The following TMEM30B variants were observed in gnomAD, a reference collection of about 807,000 sequenced individuals.
TMEM30B encodes the protein cell division cycle 50 P4-ATPase accessory subunit B.
In TMEM30B, 25 loss-of-function variants were observed where a neutral mutation model predicts 27.9. The ratio of observed to expected loss-of-function variants is 0.89; its 90% CI spans 0.65 to 1.25. The LOEUF (loss-of-function observed/expected upper bound fraction) is 1.25, where lower values mean the gene tolerates loss of function less well. TMEM30B is among the 50% of genes most tolerant of loss of function. The pLI is 0.00. For synonymous variants in TMEM30B, 248 were observed against 238.5 expected, an observed-to-expected ratio of 1.04 and a Z score of -0.37; for missense variants, 536 against 506.5, an observed-to-expected ratio of 1.06 and a Z score of -0.56.
chr14:61,280,399 A>G lies in TMEM30B; in HGVS notation c.749T>C (p.Phe250Ser), dbSNP rs2045247234. The change falls in exon 1 of 1, where the codon TTC (phenylalanine) becomes TCC (serine). Residue 250 changes from phenylalanine to serine, a missense_variant. Physicochemically the swap from Phe to Ser is radical, Grantham distance 155. Coordinates refer to ENST00000555868, the MANE Select transcript of TMEM30B (RefSeq NM_001017970.3). The surrounding 1 kb of genome is among the most constrained non-coding windows in gnomAD (Gnocchi z 5.0). ...CGCCGCCGTGCGCATCCACACCACGAAGTCCTGATTGATGAAGCCGGTGTT... is the reference window on the plus strand; with the variant it reads ...CGCCGCCGTGCGCATCCACACCACGGAGTCCTGATTGATGAAGCCGGTGTT... The part of the protein sequence containing the change: ...PNNTGFINQD[F>S]VVWMRTAALP... The G allele has an allele frequency of 6.2e-7, 1 of 1,613,962 alleles. No individual in the cohort carries two copies. The highest frequency in any genetic ancestry group is 1.3e-5 in the African/African-American group (1 of 75,052).
At position 61,281,091 on chromosome 14, in the gene TMEM30B, A is replaced by T; in HGVS notation, c.57T>A (p.Thr19=). Residue 19 remains threonine (T), a synonymous_variant, in exon 1 of 1, where the codon ACT becomes ACA. Transcript: ENST00000555868. ...GAHQPDNTAF[T]QQRLPAWQPL... is the part of the protein sequence containing the mutation. ...GCTGCCAGGCGGGGAGGCGCTGCTG[A>T]GTGAAGGCGGTGTTGTCGGGCTGGT... 1 of 1,503,744 alleles carries T rather than the reference A, an allele frequency of 6.7e-7. No individual in the cohort carries two copies. Among genetic ancestry groups the T allele is most frequent in the South Asian group, 1.3e-5 (1 of 79,664 alleles). The allele number at this position is 1,503,744 out of a possible 1,614,324, so 93.2% of individuals were successfully genotyped here.
Position 61,279,712 on chromosome 14 carries a change from A to C in TMEM30B, c.*380T>G, listed in dbSNP as rs1344447484. 1 of 197,622 alleles carries C rather than the reference A, an allele frequency of 5.1e-6. No individual in the cohort carries two copies. Among genetic ancestry groups the C allele is most frequent in the African/African-American group, 2.4e-5 (1 of 42,424 alleles). The allele number at this position is 197,622 out of a possible 1,614,324, so 12.2% of individuals were successfully genotyped here. On this transcript the variant is annotated 3_prime_UTR_variant, in exon 1 of 1. Coordinates refer to ENST00000555868, the MANE Select transcript of TMEM30B (RefSeq NM_001017970.3). ...GCCCTGGACTCAAGATTCAGGAGTCACTTGCAGCTGCCTGATCTTTGTTAC... is the reference window on the plus strand; with the variant it reads ...GCCCTGGACTCAAGATTCAGGAGTCCCTTGCAGCTGCCTGATCTTTGTTAC...
chr14:61,280,664 A>C lies in TMEM30B; in HGVS notation c.484T>G (p.Cys162Gly). The change falls in exon 1 of 1, where the codon TGC (cysteine) becomes GGC (glycine). Residue 162 changes from cysteine to glycine, a missense_variant. Cys to Gly is a radical substitution (Grantham distance 159). Transcript: ENST00000555868. The surrounding 1 kb of genome is among the most constrained non-coding windows in gnomAD (Gnocchi z 5.0). The stretch of plus-strand genomic sequence containing the variant: ...AAGAGGCTGTTGGCGATGGCGCCGC[A>C]GGGCGCGATGGGCAGGCCGGCCGCG... ...RSAAGLPIAP[C>G]GAIANSLFND... is the part of the protein sequence containing the mutation. 6.4e-7 allele frequency: 1 copy of C among 1,572,270 alleles called. No homozygotes were observed. The highest frequency in any genetic ancestry group is 1.2e-5 in the South Asian group (1 of 86,790).
Position 61,280,856 on chromosome 14 carries a change from A to G in TMEM30B, c.292T>C (p.Phe98Leu). ...CCCTGGAAGAGCTCGGGCAGCGAGA[A>G]GTACCAGGCGCACGAGCAGGGGGGC... Reference protein sequence around the residue: ...LPPPCSCAWYFSLPELFQGPV... With the variant: ...LPPPCSCAWYLSLPELFQGPV... The change falls in exon 1 of 1, where the codon TTC becomes CTC. Residue 98 changes from phenylalanine (F) to leucine (L), a missense_variant. By Grantham distance (22) the Phe-to-Leu change is conservative (BLOSUM62 0). Coordinates refer to ENST00000555868, the MANE Select transcript of TMEM30B (RefSeq NM_001017970.3). The surrounding 1 kb of genome is among the most constrained non-coding windows in gnomAD (Gnocchi z 5.0). 1.9e-6 allele frequency: 3 copies of G among 1,567,292 alleles called. No homozygotes were observed. The highest frequency in any genetic ancestry group is 2.6e-6 in the Non-Finnish European group (3 of 1,164,938).
Position 61,280,785 on chromosome 14 carries a change from G to T in TMEM30B, c.363C>A (p.Asn121Lys). 6.4e-7 allele frequency: 1 copy of T among 1,556,538 alleles called. No individual in the cohort carries two copies. Among genetic ancestry groups the T allele is most frequent in the Non-Finnish European group, 8.6e-7 (1 of 1,160,204 alleles). ...YYELTNFYQN[N>K]RRYGVSRDDA... ...CGTCGCGGGACACGCCGTAGCGCCG[G>T]TTGTTCTGGTAGAAGTTGGTCAGCT... The change falls in exon 1 of 1, where the codon AAC (asparagine) becomes AAA (lysine). Residue 121 changes from asparagine to lysine, a missense_variant. Asn to Lys is a moderately conservative substitution (Grantham distance 94). Coordinates refer to ENST00000555868, the MANE Select transcript of TMEM30B (RefSeq NM_001017970.3). This position sits in a 1 kb window ranked among gnomAD's most constrained non-coding sequence, Gnocchi z 5.0.
Position 61,280,295 on chromosome 14 carries a change from C to T in TMEM30B, c.853G>A (p.Val285Ile). 1 of 1,613,848 alleles carries T rather than the reference C, an allele frequency of 6.2e-7. No individual in the cohort carries two copies. Among genetic ancestry groups the T allele is most frequent in the Non-Finnish European group, 8.5e-7 (1 of 1,179,960 alleles). Residue 285 changes from valine to isoleucine, a missense_variant, in exon 1 of 1, where the codon GTC (valine) becomes ATC (isoleucine). By Grantham distance (29) the Val-to-Ile change is conservative (BLOSUM62 3). Transcript: ENST00000555868. This position sits in a 1 kb window ranked among gnomAD's most constrained non-coding sequence, Gnocchi z 5.0. Reference sequence around the variant, plus strand: ...ACCGGGTAGTTGTAGGTGATGTTGACGCGGTAGGCGCCCCGCGGCAGCCCG... The same window carrying T: ...ACCGGGTAGTTGTAGGTGATGTTGATGCGGTAGGCGCCCCGCGGCAGCCCG... ...SAGLPRGAYR[V>I]NITYNYPVRA...
Position 61,280,419 on chromosome 14 carries a change from G to T in TMEM30B, c.729C>A (p.Thr243=), listed in dbSNP as rs201969653. The T allele has an allele frequency of 2.4e-4, 382 of 1,614,016 alleles. No individual in the cohort carries two copies. The highest frequency in any genetic ancestry group is 3.0e-4 in the Non-Finnish European group (351 of 1,179,902). Residue 243 remains threonine, a synonymous_variant, in exon 1 of 1, where the codon ACC becomes ACA. Coordinates refer to ENST00000555868, the MANE Select transcript of TMEM30B (RefSeq NM_001017970.3). This position sits in a 1 kb window ranked among gnomAD's most constrained non-coding sequence, Gnocchi z 5.0. ...VYELSPDPNN[T]GFINQDFVVW... is the part of the protein sequence containing the mutation. Reference sequence around the variant, plus strand: ...CCACGAAGTCCTGATTGATGAAGCCGGTGTTGTTGGGGTCGGGGCTGAGCT... The same window carrying T: ...CCACGAAGTCCTGATTGATGAAGCCTGTGTTGTTGGGGTCGGGGCTGAGCT...
Position 61,280,318 on chromosome 14 carries a change from C to A in TMEM30B, c.830G>T (p.Gly277Val). 6.2e-7 allele frequency: 1 copy of A among 1,613,896 alleles called. No homozygotes were observed. Among genetic ancestry groups the A allele is most frequent in the Middle Eastern group, 1.6e-4 (1 of 6,062 alleles). ...ARIRQGNYSA[G>V]LPRGAYRVNI... Reference sequence around the variant, plus strand: ...GACGCGGTAGGCGCCCCGCGGCAGCCCGGCCGAGTAGTTGCCCTGGCGGAT... The same window carrying A: ...GACGCGGTAGGCGCCCCGCGGCAGCACGGCCGAGTAGTTGCCCTGGCGGAT... Residue 277 changes from glycine (G) to valine (V), a missense_variant, in exon 1 of 1, where the codon GGG (glycine) becomes GTG (valine). Transcript: ENST00000555868. This position sits in a 1 kb window ranked among gnomAD's most constrained non-coding sequence, Gnocchi z 5.0.
Position 61,280,932 on chromosome 14 carries a change from G to T in TMEM30B, c.216C>A (p.Gly72=). Residue 72 remains glycine (G), a synonymous_variant, in exon 1 of 1, where the codon GGC becomes GGA. Transcript: ENST00000555868. The surrounding 1 kb of genome is among the most constrained non-coding windows in gnomAD (Gnocchi z 5.0). ...CGGCGCACACCGAGCAGTTACCGGT[G>T]CCCGGGTCGCCTGTATAGTCGTACT... ...ELEYDYTGDP[G]TGNCSVCAAA... 2.0e-6 allele frequency: 3 copies of T among 1,538,392 alleles called. No homozygotes were observed. Among genetic ancestry groups the T allele is most frequent in the Non-Finnish European group, 8.7e-7 (1 of 1,146,208 alleles).
chr14:61,280,040 C>T lies in TMEM30B; in HGVS notation c.*52G>A. 1.3e-6 allele frequency: 2 copies of T among 1,482,314 alleles called. No individual in the cohort carries two copies. Among genetic ancestry groups the T allele is most frequent in the African/African-American group, 1.4e-5 (1 of 71,094 alleles). The allele number at this position is 1,482,314 out of a possible 1,614,324, so 91.8% of individuals were successfully genotyped here. ...ACGGGCGAGGAGGAGATGCCAAAAGCACCTTGCAAGAGTTTTGGCAAGAAG... is the reference window on the plus strand; with the variant it reads ...ACGGGCGAGGAGGAGATGCCAAAAGTACCTTGCAAGAGTTTTGGCAAGAAG... On this transcript the variant is annotated 3_prime_UTR_variant, in exon 1 of 1. Transcript: ENST00000555868. This position sits in a 1 kb window ranked among gnomAD's most constrained non-coding sequence, Gnocchi z 5.0.
Position 61,278,229 on chromosome 14 carries a change from T to G in TMEM30B, c.*1863A>C, listed in dbSNP as rs1169477099. ...TGGGCTAGTGAGCTGCTCAAACATT[T>G]GTAACAAATAAAAATGTATCTATAT... On this transcript the variant is annotated 3_prime_UTR_variant, in exon 1 of 1. Transcript: ENST00000555868. 6.6e-6 allele frequency: 1 copy of G among 152,216 alleles called. No individual in the cohort carries two copies. Among genetic ancestry groups the G allele is most frequent in the Admixed American group, 6.5e-5 (1 of 15,276 alleles). The allele number at this position is 152,216 out of a possible 1,614,324, so 9.4% of individuals were successfully genotyped here.
Position 61,280,323 on chromosome 14 carries a change from C to G in TMEM30B, c.825G>C (p.Ser275=), listed in dbSNP as rs1007677167. ...GGTAGGCGCCCCGCGGCAGCCCGGC[C>G]GAGTAGTTGCCCTGGCGGATGCGCG... ...LYARIRQGNY[S]AGLPRGAYRV... is the part of the protein sequence containing the mutation. Residue 275 remains serine, a synonymous_variant, in exon 1 of 1, where the codon TCG becomes TCC. Transcript: ENST00000555868. This position sits in a 1 kb window ranked among gnomAD's most constrained non-coding sequence, Gnocchi z 5.0. 8.7e-6 allele frequency: 14 copies of G among 1,613,770 alleles called. No individual in the cohort carries two copies. The highest frequency in any genetic ancestry group is 1.2e-5 in the Non-Finnish European group (14 of 1,179,962).
Position 61,279,849 on chromosome 14 carries a change from C to A in TMEM30B, c.*243G>T, listed in dbSNP as rs577394223. On this transcript the variant is annotated 3_prime_UTR_variant, in exon 1 of 1. Coordinates refer to ENST00000555868, the MANE Select transcript of TMEM30B (RefSeq NM_001017970.3). The stretch of plus-strand genomic sequence containing the variant: ...AGAACCTCACATGGCAACTCAGTGT[C>A]GTGAAGGAGGTGGGAAGAGTTTGCA... The A allele has an allele frequency of 2.9e-5, 15 of 522,494 alleles. No homozygotes were observed. The highest frequency in any genetic ancestry group is 3.5e-5 in the Admixed American group (1 of 28,928). The allele number at this position is 522,494 out of a possible 1,614,324, so 32.4% of individuals were successfully genotyped here. A position where few individuals can be genotyped will look rare whatever the true frequency, so the allele number is the denominator to read the frequency against.
chr14:61,280,515 C>T lies in TMEM30B; in HGVS notation c.633G>A (p.Leu211=), dbSNP rs1160202163. ...DYHVKFRNPP[L]VNGSLALAFQ... is the part of the protein sequence containing the mutation. ...AGGCCAACGCCAGGCTGCCGTTGAC[C>T]AGCGGCGGGTTGCGGAACTTGACGT... is the stretch of plus-strand genomic sequence containing the variant. The change falls in exon 1 of 1, where the codon CTG becomes CTA. Residue 211 remains leucine, a synonymous_variant. Transcript: ENST00000555868. This position sits in a 1 kb window ranked among gnomAD's most constrained non-coding sequence, Gnocchi z 5.0. The T allele has an allele frequency of 1.9e-6, 3 of 1,612,856 alleles. No individual in the cohort carries two copies. The highest frequency in any genetic ancestry group is 2.5e-6 in the Non-Finnish European group (3 of 1,179,568).
Position 61,280,969 on chromosome 14 carries a change from A to G in TMEM30B, c.179T>C (p.Ile60Thr), listed in dbSNP as rs1233906914. 1 of 1,543,198 alleles carries G rather than the reference A, an allele frequency of 6.5e-7. No individual in the cohort carries two copies. Among genetic ancestry groups the G allele is most frequent in the Admixed American group, 2.0e-5 (1 of 50,770 alleles). Residue 60 changes from isoleucine (I) to threonine (T), a missense_variant, in exon 1 of 1, where the codon ATC becomes ACC. Transcript: ENST00000555868. The surrounding 1 kb of genome is among the most constrained non-coding windows in gnomAD (Gnocchi z 5.0). ...TGTATAGTCGTACTCCAGCTCCTTG[A>G]TGCCGTTGGAGGAGTAGTAGAGGCC... ...GLGLYYSSNG[I>T]KELEYDYTGD... is the part of the protein sequence containing the mutation.
rs2045244683 is a variant in TMEM30B at position 61,280,225 on chromosome 14, G to A, written c.923C>T (p.Ser308Leu). 1.9e-6 allele frequency: 3 copies of A among 1,614,122 alleles called. No homozygotes were observed. The highest frequency in any genetic ancestry group is 1.7e-5 in the Admixed American group (1 of 60,008). Residue 308 changes from serine to leucine, a missense_variant, in exon 1 of 1, where the codon TCG (serine) becomes TTG (leucine). Coordinates refer to ENST00000555868, the MANE Select transcript of TMEM30B (RefSeq NM_001017970.3). The surrounding 1 kb of genome is among the most constrained non-coding windows in gnomAD (Gnocchi z 5.0). ...GAAGGGGTTCTTGCCACCCATCCAC[G>A]AGATGCTGCTGAAGATGAGGAGCTT... ...GHKLLIFSSI[S>L]WMGGKNPFLG...
In TMEM30B at chr14:61,280,930, G is replaced by C; in HGVS notation, c.218C>G (p.Thr73Ser). 2 of 1,539,234 alleles carry C rather than the reference G, an allele frequency of 1.3e-6. No individual in the cohort carries two copies. Among genetic ancestry groups the C allele is most frequent in the South Asian group, 1.2e-5 (1 of 83,558 alleles). The change falls in exon 1 of 1, where the codon ACC (threonine) becomes AGC (serine). Residue 73 changes from threonine (T) to serine (S), a missense_variant. Thr to Ser is a moderately conservative substitution (Grantham distance 58). Transcript: ENST00000555868. This position sits in a 1 kb window ranked among gnomAD's most constrained non-coding sequence, Gnocchi z 5.0. ...CGCGGCGCACACCGAGCAGTTACCGGTGCCCGGGTCGCCTGTATAGTCGTA... is the reference window on the plus strand; with the variant it reads ...CGCGGCGCACACCGAGCAGTTACCGCTGCCCGGGTCGCCTGTATAGTCGTA... ...LEYDYTGDPGTGNCSVCAAAG... is the reference protein window; with the variant it reads ...LEYDYTGDPGSGNCSVCAAAG...
At position 61,280,198 on chromosome 14, in the gene TMEM30B, A is replaced by G. The variant is rs1029633666; in HGVS notation, c.950T>C (p.Leu317Pro). Reference sequence around the variant, plus strand: ...GCCGACGACCAGGTAGGCGATGCCCAGGAAGGGGTTCTTGCCACCCATCCA... The same window carrying G: ...GCCGACGACCAGGTAGGCGATGCCCGGGAAGGGGTTCTTGCCACCCATCCA... ...ISWMGGKNPF[L>P]GIAYLVVGSL... is the part of the protein sequence containing the mutation. The change falls in exon 1 of 1, where the codon CTG (leucine) becomes CCG (proline). Residue 317 changes from leucine to proline, a missense_variant. Transcript: ENST00000555868. The surrounding 1 kb of genome is among the most constrained non-coding windows in gnomAD (Gnocchi z 5.0). 3.1e-6 allele frequency: 5 copies of G among 1,613,840 alleles called. No individual in the cohort carries two copies. Among genetic ancestry groups the G allele is most frequent in the Non-Finnish European group, 4.2e-6 (5 of 1,179,830 alleles).
Position 61,280,845 on chromosome 14 carries a change from G to T in TMEM30B, c.303C>A (p.Pro101=). The stretch of plus-strand genomic sequence containing the variant: ...GGTACACTGGGCCCTGGAAGAGCTC[G>T]GGCAGCGAGAAGTACCAGGCGCACG... ...PCSCAWYFSL[P]ELFQGPVYLY... Residue 101 remains proline, a synonymous_variant, in exon 1 of 1, where the codon CCC becomes CCA. Transcript: ENST00000555868. The surrounding 1 kb of genome is among the most constrained non-coding windows in gnomAD (Gnocchi z 5.0). The T allele has an allele frequency of 6.4e-7, 1 of 1,565,774 alleles. No individual in the cohort carries two copies. The highest frequency in any genetic ancestry group is 2.3e-5 in the East Asian group (1 of 43,690).
Sources: allele counts gnomAD v4.1 joint callset, GRCh38; gene constraint gnomAD v4.1.1; non-coding constraint Gnocchi (gnomAD v3.1); transcripts MANE v1.5; gene names NCBI Gene and HGNC (gene_info 2026-07-23, HGNC 2026-07-21).